TRIM6: variants seen among roughly 807,000 people sequenced by gnomAD.
TRIM6 encodes the protein tripartite motif-containing protein 6.
A neutral mutation model predicts 51.2 loss-of-function variants in TRIM6; 43 were observed. The ratio of observed to expected loss-of-function variants is 0.84; its 90% CI spans 0.66 to 1.08. TRIM6 has a LOEUF of 1.08. Ranked by LOEUF, TRIM6 falls within the 50% of genes least tolerant of loss-of-function variation. The pLI, the probability that TRIM6 is intolerant of heterozygous loss-of-function variation, is 0.00. For missense variants in TRIM6, 669 were observed against 619.0 expected (o/e 1.08, Z -0.86); for synonymous variants, 215 against 232.4 (o/e 0.93, Z 0.68).
chr11:5,597,739 T>G (rs1470969775), intron 1 of TRIM6, among the ~76,000 whole-genome samples: 1 of 152,170 alleles, frequency 6.6e-6, no homozygotes, highest in African/African-American at 2.4e-5. Context: ...TGAAAGCCAT[T>G]TTGATATCGA....
At chr11:5,599,341 G>A (rs1847677413) in intron 1 of TRIM6, among the ~76,000 whole-genome samples, 1 of 151,984 alleles carries the variant, frequency 6.6e-6, no homozygotes, top group African/African-American at 2.4e-5. Flanking sequence ...GGATGAATTG[G>A]AATTGGACTT....
rs547539966 is a variant in TRIM6 at position 5,602,753 on chromosome 11, A to G, written c.18-493A>G. ...AGCATCACTTAAGGTCAGGAGTTCA[A>G]GACCACCCTGGCTAACATGGTGAAA... is the stretch of plus-strand genomic sequence containing the variant. On this transcript the variant is annotated intron_variant, in intron 1 of 7. Transcript: ENST00000380097. Among the ~76,000 whole-genome samples the G allele has an allele frequency of 1.5e-3, 222 of 151,792 alleles. 2 individuals are homozygous for G. Among genetic ancestry groups the G allele is most frequent in the African/African-American group, 5.2e-3 (215 of 41,498 alleles).
chr11:5,596,522 C>CCCCCTTCCCCCTT (rs1458919949), upstream of TRIM6: 26 of 29,268 alleles, frequency 8.9e-4, no homozygotes, highest in East Asian at 0.022. Context: ...TTCTCCCCTT[C>CCCCCTTCCCCCTT]CCCCCTTCCC....
chr11:5,597,164 A>G (rs1487577926), intron 1 of TRIM6, among the ~76,000 whole-genome samples: 1 of 152,218 alleles, frequency 6.6e-6, no homozygotes, highest in Non-Finnish European at 1.5e-5. Flanking sequence ...TCTGACAGAC[A>G]CTGGCTGTGT....
At position 5,602,824 on chromosome 11, in the gene TRIM6, C is replaced by T. The variant is rs578147015; in HGVS notation, c.18-422C>T. Among the ~76,000 whole-genome samples the T allele has an allele frequency of 5.5e-5, 8 of 146,340 alleles. 1 individual carries two copies. The highest frequency in any genetic ancestry group is 6.2e-5 in the Non-Finnish European group (4 of 64,966). Reference sequence around the variant, plus strand: ...CAAAAACTAGCCAGGTGTTGTGGCACGTGCCTGTAATCCCAGCTACTCAGG... The same window carrying T: ...CAAAAACTAGCCAGGTGTTGTGGCATGTGCCTGTAATCCCAGCTACTCAGG... On this transcript the variant is annotated intron_variant, in intron 1 of 7. Coordinates refer to ENST00000380097, the MANE Select transcript of TRIM6 (RefSeq NM_001003818.3).
intron 4 of TRIM6, among the ~76,000 whole-genome samples, chr11:5,607,865 G>A (rs1328725915): frequency 6.6e-6 from 1 of 152,140 alleles, no homozygotes; most frequent in Non-Finnish European, 1.5e-5. Context: ...AGGGGGCTGA[G>A]CAGAAGTACA....
intron 1 of TRIM6, among the ~76,000 whole-genome samples, chr11:5,599,145 T>G (rs1183218295): frequency 1.3e-5 from 2 of 152,236 alleles, no homozygotes; most frequent in Non-Finnish European, 2.9e-5. Context: ...TTTAATTGTT[T>G]GGTAATATGC....
chr11:5,596,164 C>G (rs566794457), upstream of TRIM6: 3 of 152,358 alleles, frequency 2.0e-5, no homozygotes, highest in South Asian at 6.2e-4. Flanking sequence ...TGGCTCTGAT[C>G]CAGGCCACAG....
At position 5,611,875 on chromosome 11, in the gene TRIM6, A is replaced by C. The variant is rs934320330; in HGVS notation, c.*533A>C. 6.6e-6 allele frequency: 1 copy of C among 152,646 alleles called. No homozygotes were observed. The highest frequency in any genetic ancestry group is 2.4e-5 in the African/African-American group (1 of 41,462). 9.5% of individuals were successfully genotyped at this position (152,646 alleles called of 1,614,324 possible). A position where few individuals can be genotyped will look rare whatever the true frequency, so the allele number is the denominator to read the frequency against. ...CGCTTTCAGTATTTTGCCATTAAGC[A>C]TAGTATTTGATGCAGGTTTTTTTTG... On this transcript the variant is annotated 3_prime_UTR_variant, in exon 8 of 8. Coordinates refer to ENST00000380097, the MANE Select transcript of TRIM6 (RefSeq NM_001003818.3).
At chr11:5,598,573 T>C (rs59525949) in intron 1 of TRIM6, among the ~76,000 whole-genome samples, 1,523 of 152,272 alleles carry the variant, frequency 0.01, 18 homozygotes, top group African/African-American at 0.034. Flanking sequence ...AAAATACAAT[T>C]AGGACATGTG....
Position 5,610,570 on chromosome 11 carries a change from A to C in TRIM6, c.985+9A>C. The C allele has an allele frequency of 6.2e-7, 1 of 1,612,476 alleles. No individual in the cohort carries two copies. The highest frequency in any genetic ancestry group is 1.1e-5 in the South Asian group (1 of 90,796). On this transcript the variant is annotated intron_variant, in intron 7 of 7. Transcript: ENST00000380097. ...TGTCCAAAGCTACTGGGGTAAGTAG[A>C]AGCCATGGCCTCTTTGGGCTGGCAC...
chr11:5,600,938 T>A (rs1163218440), intron 1 of TRIM6, among the ~76,000 whole-genome samples: 1 of 152,192 alleles, frequency 6.6e-6, no homozygotes, highest in Non-Finnish European at 1.5e-5. Flanking sequence ...GAAACAGTTT[T>A]AAAAATTTTC....
chr11:5,603,289 G>A lies in TRIM6; in HGVS notation c.61G>A (p.Ala21Thr). Residue 21 changes from alanine to threonine, a missense_variant, in exon 2 of 8, where the codon GCA (alanine) becomes ACA (threonine). Transcript: ENST00000380097. Reference sequence around the variant, plus strand: ...CATCTTAGAAATCAGGGTTGGGCAGGCAGGAGCCAGGAGAGTAGCTACAAT... The same window carrying A: ...CATCTTAGAAATCAGGGTTGGGCAGACAGGAGCCAGGAGAGTAGCTACAAT... ...GNILEIRVGQ[A>T]GARRVATMTS... 6.2e-7 allele frequency: 1 copy of A among 1,614,066 alleles called. No individual in the cohort carries two copies. Among genetic ancestry groups the A allele is most frequent in the Non-Finnish European group, 8.5e-7 (1 of 1,179,988 alleles).
intron 1 of TRIM6, among the ~76,000 whole-genome samples, chr11:5,597,440 T>G (rs1208948649): frequency 6.6e-6 from 1 of 152,226 alleles, no homozygotes; most frequent in African/African-American, 2.4e-5. Context: ...AAATTAAATT[T>G]TTTGTTTTGA....
intron 4 of TRIM6, among the ~76,000 whole-genome samples, chr11:5,605,928 G>A (rs1269062603): frequency 2.0e-5 from 3 of 152,144 alleles, no homozygotes; most frequent in East Asian, 3.8e-4. Flanking sequence ...GTACATTGTA[G>A]GATGCTTAGC....
At chr11:5,597,169 C>T (rs549406924) in intron 1 of TRIM6, among the ~76,000 whole-genome samples, 1 of 152,310 alleles carries the variant, frequency 6.6e-6, no homozygotes, top group African/African-American at 2.4e-5. Flanking sequence ...CAGACACTGG[C>T]TGTGTGCCCG....
At chr11:5,608,309 G>C (rs1848344739) in intron 4 of TRIM6, 63 bp from the exon 5 acceptor site, 2 of 1,605,676 alleles carry the variant, frequency 1.2e-6, no homozygotes, top group Non-Finnish European at 1.7e-6. Context: ...GACATGGAAG[G>C]AGAAATGTGG....
chr11:5,610,349 G>A (rs1848497061), intron 6 of TRIM6, 104 bp downstream of exon 6: 1 of 1,576,272 alleles, frequency 6.3e-7, no homozygotes, highest in African/African-American at 1.3e-5. Context: ...TGGCAAAGAG[G>A]GAGGTCCCAG....
intron 1 of TRIM6, among the ~76,000 whole-genome samples, chr11:5,601,356 G>C (rs1039027551): frequency 6.6e-6 from 1 of 152,206 alleles, no homozygotes; most frequent in Admixed American, 6.5e-5. Context: ...TCTTATTAAA[G>C]AATGGAGAAT....
Sources: allele counts gnomAD v4.1 joint callset (sites outside exome capture counted in the v4.1 genomes callset), GRCh38; gene constraint gnomAD v4.1.1; transcripts MANE v1.5; gene names NCBI Gene and HGNC (gene_info 2026-07-23, HGNC 2026-07-21).